CLIC6: variants seen among roughly 807,000 people sequenced by gnomAD.
CLIC6 encodes the protein chloride intracellular channel protein 6.
In CLIC6, 39 loss-of-function variants were observed where a neutral mutation model predicts 49.2. The ratio of observed to expected loss-of-function variants is 0.79; its 90% CI spans 0.61 to 1.04. The LOEUF (loss-of-function observed/expected upper bound fraction) is 1.04, where lower values mean the gene tolerates loss of function less well. CLIC6 is among the 50% of genes least tolerant of loss of function. The pLI, the probability that CLIC6 is intolerant of heterozygous loss-of-function variation, is 0.00. For synonymous variants in CLIC6, 446 were observed against 433.4 expected, an observed-to-expected ratio of 1.03 and a Z score of -0.36; for missense variants, 988 against 993.1, an observed-to-expected ratio of 0.99 and a Z score of 0.07.
chr21:34,672,514 C>T (rs1008976136), intron 1 of CLIC6, among the ~76,000 whole-genome samples: 4 of 152,196 alleles, frequency 2.6e-5, no homozygotes, highest in African/African-American at 7.2e-5. Context: ...GCCACAAGTC[C>T]AAGAGTTAGC....
At chr21:34,681,210 AAGG>A (rs1344082264) in intron 1 of CLIC6, among the ~76,000 whole-genome samples, 1 of 152,190 alleles carries the variant, frequency 6.6e-6, no homozygotes, top group Non-Finnish European at 1.5e-5. Context: ...TGATGGTGGG[AAGG>A]AGAAGTGCTG....
rs747265236 is a variant in CLIC6, at chr21:34,707,261, TCTC to T, written c.1375-16_1375-14del. On this transcript the variant is annotated splice_polypyrimidine_tract_variant and intron_variant, in intron 1 of 5. Transcript: ENST00000349499. Reference sequence around the variant, plus strand: ...ATTGTGAGACTGGCTCAGATAGAAATCTCCTTCTCCACTTGTAGGCTGGTTATG... The same window carrying T: ...ATTGTGAGACTGGCTCAGATAGAAATCTTCTCCACTTGTAGGCTGGTTATG... The T allele has an allele frequency of 2.5e-6, 4 of 1,578,932 alleles. No homozygotes were observed. Among genetic ancestry groups the T allele is most frequent in the South Asian group, 2.2e-5 (2 of 90,352 alleles).
At chr21:34,696,510 C>A (rs1429217083) in intron 1 of CLIC6, among the ~76,000 whole-genome samples, 2 of 152,194 alleles carry the variant, frequency 1.3e-5, no homozygotes, top group African/African-American at 4.8e-5. Flanking sequence ...GAGAAGGATC[C>A]TAGCTGACTG....
rs186964620 is a variant in CLIC6, at chr21:34,697,906, A to G, written c.1375-9374A>G. ...TGATGAGGAATCTCATAGGCCTGTG[A>G]GGACAGGGTTTTGCTGTCTTTATAG... is the stretch of plus-strand genomic sequence containing the variant. On this transcript the variant is annotated intron_variant, in intron 1 of 5. Transcript: ENST00000349499. Among the ~76,000 whole-genome samples the G allele has an allele frequency of 1.9e-3, 295 of 152,248 alleles. 1 individual carries two copies. The highest frequency in any genetic ancestry group is 7.0e-3 in the African/African-American group (292 of 41,548).
chr21:34,694,666 G>A (rs962140877), intron 1 of CLIC6, among the ~76,000 whole-genome samples: 12 of 152,044 alleles, frequency 7.9e-5, no homozygotes, highest in African/African-American at 1.2e-4. Flanking sequence ...CATGCTTCCT[G>A]TACAGCCTGC....
At chr21:34,686,396 G>C (rs983738045) in intron 1 of CLIC6, among the ~76,000 whole-genome samples, 9 of 152,182 alleles carry the variant, frequency 5.9e-5, no homozygotes, top group African/African-American at 2.2e-4. Flanking sequence ...GTGAGACTCT[G>C]TGTCAAACAA....
intron 4 of CLIC6, 140 bp from the exon 5 acceptor site, chr21:34,709,217 C>T: frequency 1.5e-6 from 1 of 664,934 alleles, no homozygotes. Context: ...AGATATTCTA[C>T]ATCCACCTGC....
intron 1 of CLIC6, among the ~76,000 whole-genome samples, chr21:34,698,112 T>C (rs1990120819): frequency 6.6e-6 from 1 of 152,210 alleles, no homozygotes; most frequent in Non-Finnish European, 1.5e-5. Flanking sequence ...ATTGTCTCTG[T>C]AGGAGCTGCC....
At chr21:34,693,047 A>C (rs376332468) in intron 1 of CLIC6, among the ~76,000 whole-genome samples, 134 of 152,314 alleles carry the variant, frequency 8.8e-4, no homozygotes, top group African/African-American at 2.9e-3. Flanking sequence ...CTGTTTTCCT[A>C]ACATAAGGCA....
intron 5 of CLIC6, among the ~76,000 whole-genome samples, chr21:34,712,926 C>T (rs1307900832): frequency 1.3e-5 from 2 of 152,200 alleles, no homozygotes. Flanking sequence ...CTAACCCCAA[C>T]TCTAATGTGT....
intron 1 of CLIC6, among the ~76,000 whole-genome samples, chr21:34,702,778 G>A (rs1477557870): frequency 2.0e-5 from 3 of 152,290 alleles, no homozygotes; most frequent in Admixed American, 2.0e-4. Context: ...GGGACTGGGA[G>A]GAGGGAGTCA....
In CLIC6 at chr21:34,670,692, G is replaced by T. The variant is rs775947218; in HGVS notation, c.1304G>T (p.Arg435Leu). Residue 435 changes from arginine (R) to leucine (L), a missense_variant, in exon 1 of 6, where the codon CGC becomes CTC. Coordinates refer to ENST00000349499, the MANE Select transcript of CLIC6 (RefSeq NM_053277.3). Reference sequence around the variant, plus strand: ...GGCGAGGCCGCGCGCGTGAACGGCCGCCGGGAGGACGGAGAGGCGTCCGAG... The same window carrying T: ...GGCGAGGCCGCGCGCGTGAACGGCCTCCGGGAGGACGGAGAGGCGTCCGAG... ...GSGEAARVNG[R>L]REDGEASEPR... The T allele has an allele frequency of 7.3e-5, 115 of 1,583,316 alleles. No homozygotes were observed. Among genetic ancestry groups the T allele is most frequent in the African/African-American group, 2.7e-5 (2 of 74,454 alleles).
At chr21:34,685,023 G>C (rs1032124597) in intron 1 of CLIC6, among the ~76,000 whole-genome samples, 2 of 152,168 alleles carry the variant, frequency 1.3e-5, no homozygotes, top group Non-Finnish European at 2.9e-5. Flanking sequence ...CAGCTAGGGA[G>C]ACTCTCCACT....
intron 1 of CLIC6, among the ~76,000 whole-genome samples, chr21:34,706,689 C>A (rs371593580): frequency 1.3e-5 from 2 of 152,318 alleles, no homozygotes; most frequent in East Asian, 3.9e-4. Context: ...AGCTTTGAGT[C>A]TGGTGTCTTT....
chr21:34,716,125 G>A (rs1416120215), intron 5 of CLIC6, among the ~76,000 whole-genome samples, 196 bp from the exon 6 acceptor site: 1 of 152,174 alleles, frequency 6.6e-6, no homozygotes, highest in African/African-American at 2.4e-5. Context: ...GTGAGTACAG[G>A]AACTTCATAG....
intron 1 of CLIC6, among the ~76,000 whole-genome samples, chr21:34,687,480 C>T (rs747899985): frequency 1.3e-5 from 2 of 152,100 alleles, no homozygotes; most frequent in African/African-American, 2.4e-5. Flanking sequence ...AAAATAGCCC[C>T]GGAGTTTTTA....
Position 34,693,339 on chromosome 21 carries a change from A to G in CLIC6, c.1375-13941A>G, listed in dbSNP as rs1023478136. 2.6e-5 allele frequency among the ~76,000 whole-genome samples: 4 copies of G among 152,328 alleles called. No individual in the cohort carries two copies. The East Asian group carries it at 7.7e-4, about 29-fold the overall frequency. ...AGTCCCCCACTAGGGGCTAAAAACT[A>G]ACTTGTAGCATTTTCCCACAAAACC... On this transcript the variant is annotated intron_variant, in intron 1 of 5. Coordinates refer to ENST00000349499, the MANE Select transcript of CLIC6 (RefSeq NM_053277.3).
chr21:34,673,094 A>G (rs1002177271), intron 1 of CLIC6, among the ~76,000 whole-genome samples: 1 of 152,152 alleles, frequency 6.6e-6, no homozygotes, highest in South Asian at 2.1e-4. Context: ...GAAAAGTAAA[A>G]ACAACTTGCT....
intron 5 of CLIC6, among the ~76,000 whole-genome samples, chr21:34,715,825 T>C (rs2056082416): frequency 6.6e-6 from 1 of 152,220 alleles, no homozygotes; most frequent in African/African-American, 2.4e-5. Context: ...GATCAGACGA[T>C]GCTCTTAGTG....
Sources: gnomAD v4.1 joint callset for allele counts (sites outside exome capture counted in the v4.1 genomes callset) on GRCh38, gnomAD v4.1.1 for gene constraint, MANE v1.5 for transcripts, NCBI Gene and HGNC (gene_info 2026-07-23, HGNC 2026-07-21) for gene names.